Variants in SIPA1L2 observed in about 807,000 individuals in gnomAD.
SIPA1L2 encodes the protein signal induced proliferation associated 1 like 2, also known as signal-induced proliferation-associated 1-like protein 2.
A neutral mutation model predicts 163.9 loss-of-function variants in SIPA1L2; 56 were observed. That is an observed-to-expected ratio of 0.34 (90% confidence interval 0.28 to 0.43). The LOEUF is 0.43. Ranked by LOEUF, SIPA1L2 falls within the 20% of genes least tolerant of loss-of-function variation. The pLI, the probability that SIPA1L2 is intolerant of heterozygous loss-of-function variation, is 1.00. For synonymous variants in SIPA1L2, 877 were observed against 865.7 expected (o/e 1.01, Z -0.23); for missense variants, 1,974 against 2,193.5 (o/e 0.90, Z 2.00).
chr1:232,494,896 T>C (rs1257090702), intron 3 of SIPA1L2, among the ~76,000 whole-genome samples: 1 of 152,130 alleles, frequency 6.6e-6, no homozygotes, highest in Non-Finnish European at 1.5e-5. Flanking sequence ...AGGTGTAGCC[T>C]CAAAAAATCG....
intron 3 of SIPA1L2, among the ~76,000 whole-genome samples, chr1:232,494,042 GTCA>G (rs1440335683): frequency 6.6e-6 from 1 of 152,188 alleles, no homozygotes; most frequent in African/African-American, 2.4e-5. Flanking sequence ...GTCTGGGAAA[GTCA>G]TCATCTTTTA....
At chr1:232,568,228 T>C (rs540565129) in intron 2 of SIPA1L2, among the ~76,000 whole-genome samples, 3 of 152,198 alleles carry the variant, frequency 2.0e-5, no homozygotes, top group Non-Finnish European at 4.4e-5. Context: ...CACCTGGAGC[T>C]TGAGACTGGC....
chr1:232,495,650 T>C (rs1666147680), intron 3 of SIPA1L2, among the ~76,000 whole-genome samples: 2 of 152,110 alleles, frequency 1.3e-5, no homozygotes, highest in Admixed American at 1.3e-4. Flanking sequence ...GCCTATTTGT[T>C]TTAGTGGGTA....
intron 5 of SIPA1L2, among the ~76,000 whole-genome samples, chr1:232,486,655 G>A (rs2102985280): frequency 6.6e-6 from 1 of 152,292 alleles, no homozygotes; most frequent in East Asian, 1.9e-4. Flanking sequence ...AATCTCTCCA[G>A]TGACTCAGAG....
At chr1:232,591,751 G>T (rs1157134173) in intron 1 of SIPA1L2, among the ~76,000 whole-genome samples, 1 of 152,194 alleles carries the variant, frequency 6.6e-6, no homozygotes, top group Non-Finnish European at 1.5e-5. Context: ...ATGCTTCCGA[G>T]CCCTTGTACC....
chr1:232,415,429 G>T, intron 19 of SIPA1L2, 65 bp downstream of exon 19: 1 of 1,519,470 alleles, frequency 6.6e-7, no homozygotes, highest in Non-Finnish European at 8.8e-7. Context: ...CTAAGATGCC[G>T]CACAGGCCCT....
intron 4 of SIPA1L2, among the ~76,000 whole-genome samples, chr1:232,493,194 T>C (rs1572979932): frequency 6.6e-6 from 1 of 152,176 alleles, no homozygotes; most frequent in Non-Finnish European, 1.5e-5. Context: ...TCCGTCATGA[T>C]TGTAAGTTTC....
chr1:232,517,982 G>A (rs1667289213), intron 2 of SIPA1L2, among the ~76,000 whole-genome samples: 1 of 152,144 alleles, frequency 6.6e-6, no homozygotes, highest in African/African-American at 2.4e-5. Context: ...AGGAATTAGA[G>A]GTAGCGGTGA....
chr1:232,581,912 T>C (rs1573120156), intron 1 of SIPA1L2, among the ~76,000 whole-genome samples: 1 of 152,196 alleles, frequency 6.6e-6, no homozygotes, highest in African/African-American at 2.4e-5. Flanking sequence ...AAAAACTTCC[T>C]AGATAGAAAA....
intron 1 of SIPA1L2, among the ~76,000 whole-genome samples, chr1:232,605,098 G>C (rs1173973380): frequency 6.6e-6 from 1 of 152,102 alleles, no homozygotes; most frequent in Non-Finnish European, 1.5e-5. Flanking sequence ...CTGCAGTCTT[G>C]ACCTCCTGGG....
chr1:232,504,431 G>A (rs753299444), intron 3 of SIPA1L2, among the ~76,000 whole-genome samples: 13 of 150,938 alleles, frequency 8.6e-5, no homozygotes, highest in South Asian at 2.1e-4. Flanking sequence ...CCAGCTACTC[G>A]GGAGGCTGAG....
At chr1:232,513,771 G>A in intron 3 of SIPA1L2, 86 bp downstream of exon 3, 3 of 1,384,776 alleles carry the variant, frequency 2.2e-6, no homozygotes, top group South Asian at 2.8e-5. Flanking sequence ...TCTGAGGAAG[G>A]TGCTCCAACA....
intron 2 of SIPA1L2, among the ~76,000 whole-genome samples, chr1:232,566,290 A>C (rs1659399631): frequency 6.6e-6 from 1 of 152,244 alleles, no homozygotes; most frequent in Non-Finnish European, 1.5e-5. Flanking sequence ...TAAAGAATCA[A>C]AACCTTAACA....
intron 19 of SIPA1L2, among the ~76,000 whole-genome samples, chr1:232,407,309 TACTC>T (rs538327638): frequency 1.8e-4 from 27 of 152,326 alleles, no homozygotes; most frequent in Non-Finnish European, 3.4e-4. Flanking sequence ...CACTAGGAGT[TACTC>T]AGTAAGTCAC....
Position 232,627,235 on chromosome 1 carries a change from G to A in SIPA1L2, c.-319+2634C>T, listed in dbSNP as rs79521016. 3.8e-3 allele frequency among the ~76,000 whole-genome samples: 572 copies of A among 152,198 alleles called. 5 individuals carry two copies. The highest frequency in any genetic ancestry group is 6.3e-3 in the Non-Finnish European group (430 of 68,006). Reference sequence around the variant, plus strand: ...TTTACCAATTATGGTTGGGGGCAAGGGGCTGTATCCACATAAACACATAGT... The same window carrying A: ...TTTACCAATTATGGTTGGGGGCAAGAGGCTGTATCCACATAAACACATAGT... On this transcript the variant is annotated intron_variant, in intron 1 of 22. Transcript: ENST00000674635.
intron 3 of SIPA1L2, among the ~76,000 whole-genome samples, chr1:232,501,628 C>T (rs1395679975): frequency 6.6e-6 from 1 of 152,206 alleles, no homozygotes; most frequent in Non-Finnish European, 1.5e-5. Flanking sequence ...CCTGTTGTTC[C>T]ATTTCTCCAG....
At position 232,491,027 on chromosome 1, in the gene SIPA1L2, A is replaced by C. The variant is rs772614016; in HGVS notation, c.1653T>G (p.Ala551=). The change falls in exon 5 of 23, where the codon GCT becomes GCG. Residue 551 remains alanine (A), a synonymous_variant. Coordinates refer to ENST00000674635, the MANE Select transcript of SIPA1L2 (RefSeq NM_020808.5). ...TACCATGCCTAGCAGTAGAGGGTAT[A>C]GCATCTTCTAAAATTGCTCCTCTCA... ...TTLRGAILED[A]IPSTARHGTA... is the part of the protein sequence containing the mutation. 2 of 1,613,736 alleles carry C rather than the reference A, an allele frequency of 1.2e-6. No individual in the cohort carries two copies. Among genetic ancestry groups the C allele is most frequent in the Admixed American group, 3.3e-5 (2 of 59,926 alleles).
intron 3 of SIPA1L2, among the ~76,000 whole-genome samples, chr1:232,505,678 G>A (rs537561887): frequency 6.6e-6 from 1 of 152,240 alleles, no homozygotes; most frequent in Non-Finnish European, 1.5e-5. Flanking sequence ...TGGAGCCCGT[G>A]CGACCACAGC....
chr1:232,422,971 T>C (rs1410258033), intron 18 of SIPA1L2, among the ~76,000 whole-genome samples: 1 of 152,188 alleles, frequency 6.6e-6, no homozygotes, highest in Non-Finnish European at 1.5e-5. Flanking sequence ...GGTGCAAAAG[T>C]GATACATACT....
Sources: gnomAD v4.1 joint callset for allele counts (sites outside exome capture counted in the v4.1 genomes callset) on GRCh38, gnomAD v4.1.1 for gene constraint, MANE v1.5 for transcripts, NCBI Gene and HGNC (gene_info 2026-07-23, HGNC 2026-07-21) for gene names.